RAP1A: variants seen among roughly 807,000 people sequenced by gnomAD.
RAP1A encodes the protein RAP1A, member of RAS oncogene family, also known as ras-related protein Rap-1A.
Under a neutral mutation model 26.4 loss-of-function variants are expected in RAP1A, and 6 were observed. That is an observed-to-expected ratio of 0.23 (90% confidence interval 0.12 to 0.45). The LOEUF (loss-of-function observed/expected upper bound fraction) is 0.45, where lower values mean the gene tolerates loss of function less well. RAP1A is among the 20% of genes least tolerant of loss of function. RAP1A has a pLI of 0.99. For synonymous variants in RAP1A, 73 were observed against 79.4 expected, an observed-to-expected ratio of 0.92 and a Z score of 0.43; for missense variants, 121 against 217.2, an observed-to-expected ratio of 0.56 and a Z score of 2.78.
chr1:111,611,702 C>T (rs1658930032), intron 1 of RAP1A, among the ~76,000 whole-genome samples: 2 of 151,570 alleles, frequency 1.3e-5, no homozygotes, highest in African/African-American at 4.9e-5. Context: ...AGGTTACACA[C>T]ACAGCTGGTA....
At chr1:111,676,472 A>G (rs1231807199) in intron 1 of RAP1A, among the ~76,000 whole-genome samples, 2 of 151,918 alleles carry the variant, frequency 1.3e-5, no homozygotes, top group East Asian at 3.9e-4. Flanking sequence ...TTGGGTGGGG[A>G]CACAGAGCCA....
upstream of RAP1A, among the ~76,000 whole-genome samples, chr1:111,617,546 C>G (rs998763261): frequency 2.0e-5 from 3 of 152,096 alleles, no homozygotes; most frequent in African/African-American, 7.2e-5. Context: ...CATTCTCCTG[C>G]CTCAGCCTCC....
chr1:111,563,770 G>T, intron 1 of RAP1A: 2 of 1,062,032 alleles, frequency 1.9e-6, no homozygotes, highest in Non-Finnish European at 2.9e-6. Context: ...ATGAATAAAT[G>T]TTCCAAAGTG....
chr1:111,591,943 G>A (rs778493355), intron 1 of RAP1A, among the ~76,000 whole-genome samples: 1 of 152,142 alleles, frequency 6.6e-6, no homozygotes, highest in Non-Finnish European at 1.5e-5. Context: ...TTCAGAATTC[G>A]AAGTTCAGAG....
rs767081191 is a variant in RAP1A at position 111,703,409 on chromosome 1, C to T, written c.257C>T (p.Ala86Val). The T allele has an allele frequency of 1.9e-6, 3 of 1,605,982 alleles. No homozygotes were observed. The highest frequency in any genetic ancestry group is 2.6e-6 in the Non-Finnish European group (3 of 1,174,086). Residue 86 changes from alanine (A) to valine (V), a missense_variant, in exon 5 of 8, where the codon GCT becomes GTT. Transcript: ENST00000369709. The stretch of plus-strand genomic sequence containing the variant: ...TTTGCACTAGTATATTCTATTACAG[C>T]TCAGTCCACGTTTAACGACTTACAG... The part of the protein sequence containing the change: ...QGFALVYSIT[A>V]QSTFNDLQDL...
At chr1:111,668,406 T>C (rs960421858) in intron 1 of RAP1A, among the ~76,000 whole-genome samples, 3 of 152,206 alleles carry the variant, frequency 2.0e-5, no homozygotes, top group Non-Finnish European at 4.4e-5. Flanking sequence ...ATTAAAAATA[T>C]AAGAATGATG....
chr1:111,548,854 A>G (rs551868407), intron 1 of RAP1A, among the ~76,000 whole-genome samples: 82 of 152,310 alleles, frequency 5.4e-4, no homozygotes, highest in African/African-American at 1.9e-3. Flanking sequence ...TTCTTGCTTC[A>G]ATTTTAACAA....
chr1:111,583,290 TAAAA>T (rs33946441), intron 1 of RAP1A, among the ~76,000 whole-genome samples: 5,406 of 143,504 alleles, frequency 0.038, 111 homozygotes, highest in South Asian at 0.075. Context: ...GCTCATGCTT[TAAAA>T]AAAAAAAAAA....
rs143193118 is a variant in RAP1A, at chr1:111,578,344, G to A, written c.-28+35835G>A. Among the ~76,000 whole-genome samples, 505 of 152,246 alleles carry A rather than the reference G, an allele frequency of 3.3e-3. 6 individuals carry two copies. The highest frequency in any genetic ancestry group is 0.012 in the African/African-American group (479 of 41,552). On this transcript the variant is annotated intron_variant, in intron 1 of 7. Coordinates refer to the RAP1A transcript ENST00000356415. ...AGCAATAGATAAGGTTACACAGCTA[G>A]ATCAAGGTCAACTCACAGAGGGTCT...
intron 4 of RAP1A, among the ~76,000 whole-genome samples, chr1:111,702,336 A>C (rs1662046397): frequency 6.6e-6 from 1 of 152,172 alleles, no homozygotes; most frequent in African/African-American, 2.4e-5. Flanking sequence ...ACTTTTCTAA[A>C]AGAAGATTTT....
At chr1:111,607,790 C>A (rs1324435595) in intron 1 of RAP1A, among the ~76,000 whole-genome samples, 1 of 136,168 alleles carries the variant, frequency 7.3e-6, no homozygotes, top group East Asian at 2.1e-4. Context: ...CCTCACCTCC[C>A]GGACGGGGCG....
At chr1:111,551,898 A>T (rs564133927) in intron 1 of RAP1A, among the ~76,000 whole-genome samples, 2 of 152,266 alleles carry the variant, frequency 1.3e-5, no homozygotes, top group African/African-American at 4.8e-5. Context: ...TAGAGGGGAG[A>T]AATCAGGACT....
chr1:111,619,230 A>T (rs186676933), upstream of RAP1A, among the ~76,000 whole-genome samples: 29 of 152,310 alleles, frequency 1.9e-4, no homozygotes, highest in Admixed American at 8.5e-4. Flanking sequence ...TGCAAGACTT[A>T]TTCCTTCATC....
intron 3 of RAP1A, 62 bp from the exon 4 acceptor site, chr1:111,697,379 A>G (rs1246677982): frequency 1.9e-6 from 3 of 1,605,900 alleles, no homozygotes; most frequent in East Asian, 2.2e-5. Context: ...AAGAGGTGGG[A>G]AGAAAACAGA....
chr1:111,652,692 G>A (rs1470627680), intron 1 of RAP1A, among the ~76,000 whole-genome samples: 1 of 152,066 alleles, frequency 6.6e-6, no homozygotes, highest in African/African-American at 2.4e-5. Flanking sequence ...TAGGAAGGCT[G>A]TAATTTAGGG....
At chr1:111,587,794 G>T (rs1004086903) in intron 1 of RAP1A, among the ~76,000 whole-genome samples, 7 of 151,972 alleles carry the variant, frequency 4.6e-5, no homozygotes, top group African/African-American at 1.7e-4. Context: ...ACCTGCACAG[G>T]GCTATCCTTA....
At chr1:111,653,430 C>T (rs1004991393) in intron 1 of RAP1A, among the ~76,000 whole-genome samples, 2 of 151,830 alleles carry the variant, frequency 1.3e-5, no homozygotes, top group Admixed American at 1.3e-4. Context: ...GCCTGTAATC[C>T]CAGCACTTTG....
At chr1:111,573,712 T>C (rs1033938779) in intron 1 of RAP1A, among the ~76,000 whole-genome samples, 8 of 152,196 alleles carry the variant, frequency 5.3e-5, no homozygotes, top group African/African-American at 1.7e-4. Flanking sequence ...TCTCTAATGA[T>C]CAGTGATATT....
intron 1 of RAP1A, among the ~76,000 whole-genome samples, chr1:111,628,527 A>C (rs1483626295): frequency 6.6e-6 from 1 of 152,188 alleles, no homozygotes; most frequent in Non-Finnish European, 1.5e-5. Flanking sequence ...TCAGGAGTAC[A>C]AGCTTTGGTA....
Sources: allele counts gnomAD v4.1 joint callset (sites outside exome capture counted in the v4.1 genomes callset), GRCh38; gene constraint gnomAD v4.1.1; transcripts MANE v1.5; gene names NCBI Gene and HGNC (gene_info 2026-07-23, HGNC 2026-07-21).